The following CDIN1 variants were observed in gnomAD, a reference collection of about 807,000 sequenced individuals.
CDIN1 encodes CDAN1 interacting nuclease 1, also known as CDAN1-interacting nuclease 1.
Under a neutral mutation model 45.3 loss-of-function variants are expected in CDIN1, and 33 were observed. The observed-to-expected ratio is 0.73, with a 90% CI of 0.55 to 0.97. The LOEUF is 0.97. Ranked by LOEUF, CDIN1 falls within the 50% of genes least tolerant of loss-of-function variation. CDIN1 has a pLI of 0.00. For missense variants in CDIN1, 303 were observed against 339.4 expected, an observed-to-expected ratio of 0.89 and a Z score of 0.84; for synonymous variants, 118 against 124.4, an observed-to-expected ratio of 0.95 and a Z score of 0.34.
At chr15:36,743,023 GGC>G (rs2044293200) in intron 10 of CDIN1, among the ~76,000 whole-genome samples, 1 of 152,108 alleles carries the variant, frequency 6.6e-6, no homozygotes, top group African/African-American at 2.4e-5. Flanking sequence ...CAAATTACCT[GGC>G]ATGAAAGTGG....
chr15:36,674,043 G>A (rs140198572), intron 5 of CDIN1, among the ~76,000 whole-genome samples: 18 of 152,148 alleles, frequency 1.2e-4, no homozygotes, highest in East Asian at 3.9e-4. Flanking sequence ...TGAAAAAGCC[G>A]TATATATTTC....
intron 10 of CDIN1, among the ~76,000 whole-genome samples, chr15:36,806,741 A>G (rs1423585789): frequency 2.0e-5 from 3 of 152,194 alleles, no homozygotes; most frequent in African/African-American, 7.2e-5. Flanking sequence ...AAATAAAGGT[A>G]CCAATGGTTT....
chr15:36,633,883 G>A (rs974997749), intron 1 of CDIN1, among the ~76,000 whole-genome samples: 5 of 151,622 alleles, frequency 3.3e-5, no homozygotes, highest in South Asian at 2.1e-4. Flanking sequence ...TCAGCCTCCC[G>A]AGTAGCTGGG....
intron 8 of CDIN1, chr15:36,707,170 A>C (rs1733674855): frequency 6.6e-6 from 1 of 152,194 alleles, no homozygotes; most frequent in Non-Finnish European, 1.5e-5. Flanking sequence ...CATGTTTGGC[A>C]TAACATCTTT....
chr15:36,712,962 A>C (rs771446216), intron 10 of CDIN1, among the ~76,000 whole-genome samples: 6 of 152,164 alleles, frequency 3.9e-5, no homozygotes, highest in Non-Finnish European at 7.4e-5. Context: ...TCAACACACA[A>C]AAAGTCTTCT....
intron 1 of CDIN1, among the ~76,000 whole-genome samples, chr15:36,611,465 G>A (rs960429134): frequency 1.3e-5 from 2 of 152,138 alleles, no homozygotes; most frequent in African/African-American, 2.4e-5. Context: ...GCTATTTAAT[G>A]TACATTGGTG....
In CDIN1 at chr15:36,729,146, T is replaced by G. The variant is rs573630906; in HGVS notation, c.716+19185T>G. Among the ~76,000 whole-genome samples, 10 of 152,310 alleles carry G rather than the reference T, an allele frequency of 6.6e-5. No individual in the cohort carries two copies. In the South Asian group the frequency reaches 2.1e-3, roughly 32 times the overall value. On this transcript the variant is annotated intron_variant, in intron 10 of 10. Transcript: ENST00000566621. Reference sequence around the variant, plus strand: ...ATTTATAAAATTTGAGATGATAGACTTTTTTCTCTTTATTTTTCTGGATTG... The same window carrying G: ...ATTTATAAAATTTGAGATGATAGACGTTTTTCTCTTTATTTTTCTGGATTG...
At chr15:36,594,326 A>T (rs1170028666) in intron 1 of CDIN1, among the ~76,000 whole-genome samples, 1 of 152,208 alleles carries the variant, frequency 6.6e-6, no homozygotes, top group African/African-American at 2.4e-5. Context: ...CCTATTCCCA[A>T]AGACTATGGA....
intron 10 of CDIN1, among the ~76,000 whole-genome samples, chr15:36,751,016 T>G (rs1196070981): frequency 6.6e-6 from 1 of 151,904 alleles, no homozygotes; most frequent in Non-Finnish European, 1.5e-5. Context: ...TTTTATATTT[T>G]TGTATTGAAA....
At chr15:36,699,441 A>G (rs1024938711) in intron 8 of CDIN1, among the ~76,000 whole-genome samples, 16 of 152,170 alleles carry the variant, frequency 1.1e-4, no homozygotes, top group Admixed American at 3.9e-4. Flanking sequence ...TCTTGTTTAC[A>G]TGTGTACACC....
chr15:36,611,793 G>A (rs1443997638), intron 1 of CDIN1, among the ~76,000 whole-genome samples: 1 of 152,048 alleles, frequency 6.6e-6, no homozygotes, highest in Non-Finnish European at 1.5e-5. Flanking sequence ...TGTTTTTTTG[G>A]TGGTATCTCT....
At chr15:36,669,415 A>G (rs980473998) in intron 5 of CDIN1, among the ~76,000 whole-genome samples, 3 of 152,086 alleles carry the variant, frequency 2.0e-5, no homozygotes, top group African/African-American at 4.8e-5. Flanking sequence ...GAAAGCTTTT[A>G]CTTTTTTAAA....
intron 10 of CDIN1, among the ~76,000 whole-genome samples, chr15:36,783,348 C>G (rs2054401224): frequency 6.7e-6 from 1 of 148,246 alleles, no homozygotes; most frequent in South Asian, 2.1e-4. Context: ...ATTGGAGTAG[C>G]TTTTTTTTTT....
chr15:36,688,446 A>G (rs946618585), intron 5 of CDIN1, among the ~76,000 whole-genome samples: 2 of 152,196 alleles, frequency 1.3e-5, no homozygotes, highest in African/African-American at 2.4e-5. Context: ...TTTAACAGGT[A>G]CCAAGTCTCT....
chr15:36,618,950 AT>A, intron 1 of CDIN1: 1 of 1,552,398 alleles, frequency 6.4e-7, no homozygotes, highest in Non-Finnish European at 8.8e-7. Flanking sequence ...AAGTTAAGTT[AT>A]GCTGAAGTGT....
At chr15:36,616,983 A>G (rs895891126) in intron 1 of CDIN1, 4 of 635,286 alleles carry the variant, frequency 6.3e-6, no homozygotes, top group African/African-American at 3.6e-5. Flanking sequence ...ACCTTTTAAT[A>G]TTTCAGAACA....
At chr15:36,585,330 A>G (rs1007632128) in intron 1 of CDIN1, among the ~76,000 whole-genome samples, 1 of 152,124 alleles carries the variant, frequency 6.6e-6, no homozygotes, top group Non-Finnish European at 1.5e-5. Flanking sequence ...TAGTTTTTTC[A>G]CTGATGTCCC....
chr15:36,645,952 CAA>C (rs766729116), intron 3 of CDIN1, among the ~76,000 whole-genome samples: 12 of 113,338 alleles, frequency 1.1e-4, no homozygotes, highest in Non-Finnish European at 1.8e-4. Context: ...TGTTCTGAAA[CAA>C]TATTTAAAAT....
intron 10 of CDIN1, among the ~76,000 whole-genome samples, chr15:36,774,185 G>C (rs1357922309): frequency 7.6e-6 from 1 of 131,296 alleles, no homozygotes; most frequent in Admixed American, 7.6e-5. Flanking sequence ...CATGCATGAG[G>C]GGAGACACAA....
Sources: gnomAD v4.1 joint callset for allele counts (sites outside exome capture counted in the v4.1 genomes callset) on GRCh38, gnomAD v4.1.1 for gene constraint, MANE v1.5 for transcripts, NCBI Gene and HGNC (gene_info 2026-07-23, HGNC 2026-07-21) for gene names.